CEP128: variants seen among roughly 807,000 people sequenced by gnomAD.
CEP128 encodes centrosomal protein 128.
In CEP128, 132 loss-of-function variants were observed where a neutral mutation model predicts 156.7. The observed-to-expected ratio is 0.84, with a 90% CI of 0.73 to 0.97. The LOEUF (loss-of-function observed/expected upper bound fraction) is 0.97, where lower values mean the gene tolerates loss of function less well. Among genes scored for constraint, CEP128 ranks in the 50% least tolerant of loss-of-function variants. CEP128 has a pLI of 0.00. For synonymous variants in CEP128, 469 were observed against 448.9 expected, an observed-to-expected ratio of 1.04 and a Z score of -0.57; for missense variants, 1,252 against 1,281.9, an observed-to-expected ratio of 0.98 and a Z score of 0.36.
At chr14:80,730,320 A>G (rs1898215384) in intron 19 of CEP128, among the ~76,000 whole-genome samples, 1 of 152,152 alleles carries the variant, frequency 6.6e-6, no homozygotes, top group Non-Finnish European at 1.5e-5. Flanking sequence ...CACCTTAGCT[A>G]CATCTTCCCA....
chr14:80,764,291 G>C (rs945247120), intron 16 of CEP128, among the ~76,000 whole-genome samples: 1 of 151,976 alleles, frequency 6.6e-6, no homozygotes, highest in Non-Finnish European at 1.5e-5. Flanking sequence ...GAGGTCAGGA[G>C]ATCGAGACCA....
At chr14:80,563,351 T>C (rs1449399612) in intron 20 of CEP128, among the ~76,000 whole-genome samples, 1 of 152,096 alleles carries the variant, frequency 6.6e-6, no homozygotes, top group East Asian at 1.9e-4. Context: ...CTATTTCAGA[T>C]GGTTTTAATA....
intron 19 of CEP128, among the ~76,000 whole-genome samples, chr14:80,615,848 C>CAAATAAATAAAT (rs56839383): frequency 2.4e-3 from 359 of 149,260 alleles, no homozygotes; most frequent in Middle Eastern, 0.014. Flanking sequence ...AACTCCATCT[C>CAAATAAATAAAT]AAATAAATAA....
At chr14:80,834,026 T>C (rs1885946569) in intron 12 of CEP128, among the ~76,000 whole-genome samples, 3 of 152,162 alleles carry the variant, frequency 2.0e-5, no homozygotes, top group African/African-American at 2.4e-5. Context: ...GAACAGCATA[T>C]GGAGATATCC....
intron 19 of CEP128, among the ~76,000 whole-genome samples, chr14:80,651,785 T>C (rs931827412): frequency 6.6e-6 from 1 of 152,048 alleles, no homozygotes. Flanking sequence ...TGAGACACTG[T>C]TTGTTATGAT....
intron 22 of CEP128, among the ~76,000 whole-genome samples, chr14:80,530,506 A>T (rs1339465197): frequency 6.6e-6 from 1 of 152,228 alleles, no homozygotes; most frequent in Non-Finnish European, 1.5e-5. Flanking sequence ...TTGTCAGTGT[A>T]ATGTGTAACT....
rs982549749 is a variant in CEP128 at position 80,929,164 on chromosome 14, A to G, written c.-16+10221T>C. 1.2e-4 allele frequency among the ~76,000 whole-genome samples: 19 copies of G among 152,258 alleles called. 1 individual carries two copies. Among genetic ancestry groups the G allele is most frequent in the Non-Finnish European group, 1.5e-5 (1 of 68,048 alleles). ...CAGAGAAATCCAAATGAAAGCCACA[A>G]TAAGATACCATCTTATCCCAGCAGA... On this transcript the variant is annotated intron_variant, in intron 2 of 24. Coordinates refer to ENST00000555265, the MANE Select transcript of CEP128 (RefSeq NM_152446.5).
chr14:80,757,077 G>A (rs1403028629), intron 17 of CEP128, 126 bp from the exon 18 acceptor site: 7 of 625,296 alleles, frequency 1.1e-5, no homozygotes, highest in African/African-American at 3.8e-5. Context: ...AAGAAAAATT[G>A]TTGCCCCAAA....
chr14:80,784,528 G>T (rs1901292918), intron 15 of CEP128, among the ~76,000 whole-genome samples: 1 of 152,124 alleles, frequency 6.6e-6, no homozygotes, highest in African/African-American at 2.4e-5. Context: ...TACAAATAAG[G>T]ACTGTGGTTA....
chr14:80,739,024 A>G (rs1898674948), intron 19 of CEP128, among the ~76,000 whole-genome samples: 1 of 152,210 alleles, frequency 6.6e-6, no homozygotes, highest in African/African-American at 2.4e-5. Context: ...AATCTGGCTT[A>G]AACCACTCCT....
intron 21 of CEP128, among the ~76,000 whole-genome samples, chr14:80,544,927 T>C (rs1889919300): frequency 6.6e-6 from 1 of 152,214 alleles, no homozygotes; most frequent in Non-Finnish European, 1.5e-5. Flanking sequence ...ATAGAAGATC[T>C]TTTTAAGAGG....
In CEP128 at chr14:80,678,367, C is replaced by CAA. The variant is rs34444017; in HGVS notation, c.2806+64706_2806+64707dup. 4.5e-3 allele frequency among the ~76,000 whole-genome samples: 588 copies of CAA among 131,312 alleles called. 6 individuals carry two copies. Among genetic ancestry groups the CAA allele is most frequent in the African/African-American group, 0.016 (560 of 36,074 alleles). 86.1% of individuals were successfully genotyped at this position (131,312 alleles called of 152,430 possible). On this transcript the variant is annotated intron_variant, in intron 19 of 24. Coordinates refer to ENST00000555265, the MANE Select transcript of CEP128 (RefSeq NM_152446.5). The stretch of plus-strand genomic sequence containing the variant: ...AATCTAAAATGTTCTCACTCCATTC[C>CAA]AAAAAAAAAAAAAGGACCCTAAATC...
intron 15 of CEP128, among the ~76,000 whole-genome samples, chr14:80,780,384 A>C (rs1046031939): frequency 6.6e-6 from 1 of 152,150 alleles, no homozygotes; most frequent in South Asian, 2.1e-4. Context: ...AATGGCATGA[A>C]GTGGTGATTT....
intron 2 of CEP128, among the ~76,000 whole-genome samples, chr14:80,953,600 A>C (rs555274388): frequency 6.6e-6 from 1 of 152,228 alleles, no homozygotes; most frequent in East Asian, 1.9e-4. Flanking sequence ...AACAAACAAA[A>C]AAAGGATAAA....
intron 20 of CEP128, among the ~76,000 whole-genome samples, chr14:80,571,716 C>T (rs775914096): frequency 4.2e-4 from 63 of 151,346 alleles, no homozygotes; most frequent in Non-Finnish European, 4.6e-4. Flanking sequence ...TTATTTTGAA[C>T]TTGGTTGAAA....
intron 14 of CEP128, among the ~76,000 whole-genome samples, chr14:80,786,482 A>G (rs1410427892): frequency 6.6e-6 from 1 of 152,224 alleles, no homozygotes; most frequent in Non-Finnish European, 1.5e-5. Context: ...CAAAAATTTA[A>G]TGAGTCAATC....
At chr14:80,521,823 T>C (rs367732274) in intron 23 of CEP128, among the ~76,000 whole-genome samples, 1 of 152,214 alleles carries the variant, frequency 6.6e-6, no homozygotes, top group African/African-American at 2.4e-5. Flanking sequence ...CAAAAGCCCA[T>C]ACAATCTAGT....
chr14:80,836,135 G>A, intron 12 of CEP128, 70 bp downstream of exon 12: 2 of 1,425,098 alleles, frequency 1.4e-6, no homozygotes, highest in Non-Finnish European at 1.9e-6. Context: ...AGGATGAAAA[G>A]TATTTTCTAA....
At position 80,662,242 on chromosome 14, in the gene CEP128, T is replaced by C. The variant is rs1052411144; in HGVS notation, c.2806+80833A>G. On this transcript the variant is annotated intron_variant, in intron 19 of 24. Coordinates refer to ENST00000555265, the MANE Select transcript of CEP128 (RefSeq NM_152446.5). ...GTTTATGCCATGAAAAGTGGCTGAT[T>C]TACATGTTTTATAGTGGCAAATCTG... Among the ~76,000 whole-genome samples, 3 of 152,306 alleles carry C rather than the reference T, an allele frequency of 2.0e-5. No individual in the cohort carries two copies. In the East Asian group the frequency reaches 5.8e-4, roughly 29 times the overall value.
Sources: allele counts gnomAD v4.1 joint callset (sites outside exome capture counted in the v4.1 genomes callset), GRCh38; gene constraint gnomAD v4.1.1; transcripts MANE v1.5; gene names NCBI Gene and HGNC (gene_info 2026-07-23, HGNC 2026-07-21).